The following KCNJ16 variants were observed in gnomAD, a reference collection of about 807,000 sequenced individuals.
The protein encoded by KCNJ16 is potassium inwardly rectifying channel subfamily J member 16, also known as inward rectifier potassium channel 16.
A neutral mutation model predicts 18.5 loss-of-function variants in KCNJ16; 15 were observed. The ratio of observed to expected loss-of-function variants is 0.81; its 90% CI spans 0.54 to 1.25. The LOEUF is 1.25. Among genes scored for constraint, KCNJ16 ranks in the 50% most tolerant of loss-of-function variants. KCNJ16 has a pLI of 0.00. For synonymous variants in KCNJ16, 174 were observed against 186.5 expected (o/e 0.93, Z 0.55); for missense variants, 523 against 525.7 (o/e 0.99, Z 0.05).
intron 2 of KCNJ16, among the ~76,000 whole-genome samples, chr17:70,123,934 G>A (rs1035305827): frequency 2.6e-5 from 4 of 152,180 alleles, no homozygotes; most frequent in Non-Finnish European, 4.4e-5. Flanking sequence ...GAGAGATCAG[G>A]AAAGCCTGCA....
chr17:70,077,890 T>A (rs1014635320), intron 1 of KCNJ16, among the ~76,000 whole-genome samples: 4 of 152,162 alleles, frequency 2.6e-5, no homozygotes, highest in Admixed American at 1.3e-4. Context: ...AGATAGTTTA[T>A]CTGAAATGCA....
At position 70,130,912 on chromosome 17, in the gene KCNJ16, T is replaced by G; in HGVS notation, c.-157T>G. ...CAAGATGATTTTGATGTTGCAGTTTTAAATTTCACTTTGACTTGAGCTGGG... is the reference window on the plus strand; with the variant it reads ...CAAGATGATTTTGATGTTGCAGTTTGAAATTTCACTTTGACTTGAGCTGGG... On this transcript the variant is annotated 5_prime_UTR_variant, in exon 3 of 4. It removes the in-frame stop codon of an upstream open reading frame in the 5' UTR. Transcript: ENST00000392671. 1.3e-6 allele frequency: 2 copies of G among 1,512,666 alleles called. No homozygotes were observed. The highest frequency in any genetic ancestry group is 2.8e-5 in the African/African-American group (2 of 72,636). 93.7% of individuals were successfully genotyped at this position (1,512,666 alleles called of 1,614,324 possible). A position where few individuals can be genotyped will look rare whatever the true frequency, so the allele number is the denominator to read the frequency against.
At chr17:70,121,373 T>C (rs2073630681) in intron 2 of KCNJ16, among the ~76,000 whole-genome samples, 1 of 152,156 alleles carries the variant, frequency 6.6e-6, no homozygotes, top group Non-Finnish European at 1.5e-5. Flanking sequence ...CCAATAAAAC[T>C]TCATTTACAG....
At chr17:70,103,319 T>TACACACACACAC (rs1199138346) in intron 2 of KCNJ16, among the ~76,000 whole-genome samples, 3 of 20,744 alleles carry the variant, frequency 1.4e-4, no homozygotes, top group African/African-American at 4.2e-4. Context: ...TATATATATA[T>TACACACACACAC]ATACACACAC....
At chr17:70,115,675 ACT>A (rs2073373080) in intron 2 of KCNJ16, among the ~76,000 whole-genome samples, 1 of 152,018 alleles carries the variant, frequency 6.6e-6, no homozygotes, top group South Asian at 2.1e-4. Context: ...TTTAATGCTA[ACT>A]CTGCTTCATC....
chr17:70,076,374 T>G (rs1257102377), intron 1 of KCNJ16, among the ~76,000 whole-genome samples: 1 of 152,156 alleles, frequency 6.6e-6, no homozygotes, highest in Non-Finnish European at 1.5e-5. Context: ...ACAGCTGTTT[T>G]GCAGAATACA....
chr17:70,095,285 T>A (rs2072303531), intron 1 of KCNJ16, among the ~76,000 whole-genome samples: 1 of 112,670 alleles, frequency 8.9e-6, no homozygotes, highest in Admixed American at 9.0e-5. Flanking sequence ...ACTTTGACCA[T>A]AATCTCTGCA....
rs2074105619 is a variant in KCNJ16, at chr17:70,132,773, G to A, written c.686G>A (p.Gly229Glu). 6.2e-7 allele frequency: 1 copy of A among 1,613,970 alleles called. No individual in the cohort carries two copies. Among genetic ancestry groups the A allele is most frequent in the Non-Finnish European group, 8.5e-7 (1 of 1,180,040 alleles). The change falls in exon 4 of 4, where the codon GGG becomes GAG. Residue 229 changes from glycine to glutamate, a missense_variant. Physicochemically the swap from Gly to Glu is moderately conservative, Grantham distance 98. Transcript: ENST00000392671. ...QLLRYTEDSE[G>E]RMTMAFKDLK... ...CTCCGCTATACAGAAGACAGTGAAG[G>A]GAGGATGACGATGGCATTTAAAGAC...
At chr17:70,130,568 G>A (rs1220013841) in intron 2 of KCNJ16, among the ~76,000 whole-genome samples, 2 of 152,138 alleles carry the variant, frequency 1.3e-5, no homozygotes, top group Non-Finnish European at 2.9e-5. Flanking sequence ...CCTGATCCCT[G>A]GAGGAAAAGA....
At chr17:70,075,859 C>T (rs1014475620) in intron 1 of KCNJ16, among the ~76,000 whole-genome samples, 3 of 151,734 alleles carry the variant, frequency 2.0e-5, no homozygotes, top group Non-Finnish European at 4.4e-5. Flanking sequence ...TTATAGTTGT[C>T]TATAATCATT....
chr17:70,095,691 C>T (rs1240496633), intron 1 of KCNJ16, among the ~76,000 whole-genome samples: 1 of 151,900 alleles, frequency 6.6e-6, no homozygotes, highest in African/African-American at 2.4e-5. Flanking sequence ...TTATTAGGAT[C>T]TCTATACAGA....
chr17:70,120,521 T>C (rs2073591182), intron 2 of KCNJ16, among the ~76,000 whole-genome samples: 1 of 152,180 alleles, frequency 6.6e-6, no homozygotes. Flanking sequence ...GACTGGACAG[T>C]AAGCATAGTG....
intron 2 of KCNJ16, chr17:70,108,299 A>T (rs1388896231): frequency 6.6e-6 from 1 of 152,196 alleles, no homozygotes; most frequent in East Asian, 1.9e-4. Context: ...TCCTGATTTC[A>T]GACATCCACA....
At chr17:70,090,715 CGCTAACCCACTCACAATATG>C (rs1567781316) in intron 1 of KCNJ16, among the ~76,000 whole-genome samples, 7 of 151,170 alleles carry the variant, frequency 4.6e-5, no homozygotes, top group African/African-American at 9.8e-5. Context: ...CTCACAATAC[CGCTAACCCACTCACAATATG>C]GCTAACCCAC....
chr17:70,091,236 G>T (rs2072076210), intron 1 of KCNJ16, among the ~76,000 whole-genome samples: 1 of 152,090 alleles, frequency 6.6e-6, no homozygotes, highest in Admixed American at 6.5e-5. Flanking sequence ...ACCATCATCT[G>T]TCACCATTTC....
In KCNJ16 at chr17:70,131,908, G is replaced by C. The variant is rs998940856; in HGVS notation, c.-93-87G>C. 1.0e-5 allele frequency: 12 copies of C among 1,153,608 alleles called. No homozygotes were observed. The African/African-American group carries it at 1.7e-4, about 16-fold the overall frequency. The allele number at this position is 1,153,608 out of a possible 1,614,324, so 71.5% of individuals were successfully genotyped here. A position where few individuals can be genotyped will look rare whatever the true frequency, so the allele number is the denominator to read the frequency against. ...GATGAAGTCGTAGCTATTTTAGATGGTATGACACTGCTCCAAATTTGGCAA... is the reference window on the plus strand; with the variant it reads ...GATGAAGTCGTAGCTATTTTAGATGCTATGACACTGCTCCAAATTTGGCAA... On this transcript the variant is annotated intron_variant, in intron 3 of 3. Transcript: ENST00000392671.
intron 2 of KCNJ16, among the ~76,000 whole-genome samples, chr17:70,106,236 T>C (rs141962176): frequency 2.0e-5 from 3 of 152,268 alleles, no homozygotes; most frequent in African/African-American, 7.2e-5. Context: ...TTAAAAAAGA[T>C]TAGAAGTTCT....
In KCNJ16 at chr17:70,133,456, C is replaced by G. The variant is rs747742071; in HGVS notation, c.*112C>G. On this transcript the variant is annotated 3_prime_UTR_variant, in exon 4 of 4. Transcript: ENST00000392671. Reference sequence around the variant, plus strand: ...GTTATGGCTATGTTTTATGATGATGCTGGGTAAGTAGAGTAAGTTAAACTT... The same window carrying G: ...GTTATGGCTATGTTTTATGATGATGGTGGGTAAGTAGAGTAAGTTAAACTT... 6.2e-6 allele frequency: 5 copies of G among 805,576 alleles called. No homozygotes were observed. The highest frequency in any genetic ancestry group is 1.7e-5 in the African/African-American group (1 of 57,490). The allele number at this position is 805,576 out of a possible 1,614,324, so 49.9% of individuals were successfully genotyped here.
In KCNJ16 at chr17:70,133,043, A is replaced by G; in HGVS notation, c.956A>G (p.Lys319Arg). The G allele has an allele frequency of 6.2e-7, 1 of 1,614,160 alleles. No individual in the cohort carries two copies. The highest frequency in any genetic ancestry group is 1.1e-5 in the South Asian group (1 of 91,082). Residue 319 changes from lysine to arginine, a missense_variant, in exon 4 of 4, where the codon AAG becomes AGG. Physicochemically the swap from Lys to Arg is conservative, Grantham distance 26. Transcript: ENST00000392671. Reference protein sequence around the residue: ...RFNDVLEVKRKYYKVNCLQFE... With the variant: ...RFNDVLEVKRRYYKVNCLQFE... ...AATGATGTCTTGGAAGTTAAGAGGA[A>G]GTATTACAAAGTGAACTGCTTACAG...
Sources: gnomAD v4.1 joint callset for allele counts (sites outside exome capture counted in the v4.1 genomes callset) on GRCh38, gnomAD v4.1.1 for gene constraint, MANE v1.5 for transcripts, NCBI Gene and HGNC (gene_info 2026-07-23, HGNC 2026-07-21) for gene names.